The following ACTL8 variants were observed in gnomAD, a reference collection of about 807,000 sequenced individuals.
ACTL8 encodes the protein actin-like protein 8.
In ACTL8, 3 loss-of-function variants were observed where a neutral mutation model predicts 9.3. That is an observed-to-expected ratio of 0.32 (90% CI 0.15 to 0.83). ACTL8 has a LOEUF of 0.83. Ranked by LOEUF, ACTL8 falls within the 40% of genes least tolerant of loss-of-function variation. The pLI is 0.57. For synonymous variants in ACTL8, 224 were observed against 205.9 expected (o/e 1.09, Z -0.75); for missense variants, 381 against 492.2 (o/e 0.77, Z 2.14).
At chr1:17,809,391 G>C (rs11804887) in intron 1 of ACTL8, among the ~76,000 whole-genome samples, 2 of 152,098 alleles carry the variant, frequency 1.3e-5, no homozygotes, top group South Asian at 4.2e-4. Flanking sequence ...CTAGCCGGGG[G>C]TTCCACACAG....
intron 1 of ACTL8, among the ~76,000 whole-genome samples, chr1:17,820,757 A>G (rs2053653510): frequency 6.6e-6 from 1 of 151,968 alleles, no homozygotes; most frequent in East Asian, 1.9e-4. Context: ...TTGTATTTTT[A>G]GTAGAGACAG....
intron 1 of ACTL8, among the ~76,000 whole-genome samples, chr1:17,764,577 C>T (rs573640817): frequency 6.6e-6 from 1 of 151,900 alleles, no homozygotes; most frequent in Admixed American, 6.6e-5. Context: ...CTTCTGGGCA[C>T]CCCCCCACAG....
intron 1 of ACTL8, among the ~76,000 whole-genome samples, chr1:17,783,408 G>A (rs906501134): frequency 2.6e-5 from 4 of 151,116 alleles, no homozygotes; most frequent in African/African-American, 7.3e-5. Flanking sequence ...CCCATGTGTC[G>A]GATGATGCCT....
intron 1 of ACTL8, among the ~76,000 whole-genome samples, chr1:17,756,072 T>C (rs192682118): frequency 1.7e-4 from 26 of 151,712 alleles, no homozygotes; most frequent in Middle Eastern, 3.5e-3. Flanking sequence ...AGGGGCTTTT[T>C]CTTTGTGGAC....
chr1:17,807,570 A>G (rs972908064), intron 1 of ACTL8, among the ~76,000 whole-genome samples: 12 of 152,212 alleles, frequency 7.9e-5, no homozygotes, highest in African/African-American at 2.9e-4. Flanking sequence ...TACTATTCAC[A>G]ATAGCAAAGA....
chr1:17,825,870 G>A lies in ACTL8; in HGVS notation c.452G>A (p.Gly151Asp). 3 of 1,613,954 alleles carry A rather than the reference G, an allele frequency of 1.9e-6. No homozygotes were observed. The highest frequency in any genetic ancestry group is 2.5e-6 in the Non-Finnish European group (3 of 1,180,034). Residue 151 changes from glycine to aspartate, a missense_variant, in exon 3 of 3, where the codon GGC (glycine) becomes GAC (aspartate). Gly to Asp is a moderately conservative substitution (Grantham distance 94). Around this residue, in one of 3 missense-constraint regions of ACTL8, gnomAD observed 13 missense variants for 35.4 expected, o/e 0.37. Transcript: ENST00000375406. ...GLLTGVVVDS[G>D]YGLTRVQPFH... ...CTGACCGGAGTGGTGGTTGATTCTG[G>A]CTATGGCCTGACCCGCGTGCAGCCT...
intron 2 of ACTL8, among the ~76,000 whole-genome samples, chr1:17,825,359 C>T (rs1349062413): frequency 6.6e-6 from 1 of 151,784 alleles, no homozygotes; most frequent in African/African-American, 2.4e-5. Flanking sequence ...TTCCAGTCTT[C>T]CTCCACTGTT....
intron 1 of ACTL8, among the ~76,000 whole-genome samples, chr1:17,798,280 C>T (rs570294668): frequency 4.0e-5 from 6 of 149,434 alleles, no homozygotes; most frequent in South Asian, 2.1e-4. Flanking sequence ...GATATTCGCC[C>T]GAGGTGCCCT....
chr1:17,826,482 T>C lies in ACTL8; in HGVS notation c.1064T>C (p.Met355Thr), dbSNP rs181142071. 271 of 1,605,568 alleles carry C rather than the reference T, an allele frequency of 1.7e-4. No homozygotes were observed. In the East Asian group the frequency reaches 5.7e-3, roughly 34 times the overall value. Reference protein sequence around the residue: ...AHLSTYQSEWMSREEYGEHMR... With the variant: ...AHLSTYQSEWTSREEYGEHMR... The stretch of plus-strand genomic sequence containing the variant: ...CTTTCTACCTACCAGTCTGAGTGGA[T>C]GTCCCGAGAGGAGTATGGTGAGCAT... Residue 355 changes from methionine (M) to threonine (T), a missense_variant, in exon 3 of 3, where the codon ATG (methionine) becomes ACG (threonine). Coordinates refer to ENST00000375406, the MANE Select transcript of ACTL8 (RefSeq NM_030812.3). The surrounding 1 kb of genome is among the most constrained non-coding windows in gnomAD (Gnocchi z 4.5).
In ACTL8 at chr1:17,826,331, C is replaced by T. The variant is rs1221808875; in HGVS notation, c.913C>T (p.Pro305Ser). The T allele has an allele frequency of 2.5e-6, 4 of 1,613,820 alleles. No individual in the cohort carries two copies. Among genetic ancestry groups the T allele is most frequent in the Non-Finnish European group, 8.5e-7 (1 of 1,179,828 alleles). The change falls in exon 3 of 3, where the codon CCC becomes TCC. Residue 305 changes from proline (P) to serine (S), a missense_variant. By Grantham distance (74) the Pro-to-Ser change is moderately conservative (BLOSUM62 -1). This residue lies in a region of ACTL8 where 243 missense variants were observed against 276.2 expected (regional missense o/e 0.88). Coordinates refer to ENST00000375406, the MANE Select transcript of ACTL8 (RefSeq NM_030812.3). This position sits in a 1 kb window ranked among gnomAD's most constrained non-coding sequence, Gnocchi z 4.5. ...GGCCTGCGGGGGCAACACCCTCTAT[C>T]CCGGGTTCACAAAGCGCCTGTTCAG... ...VMACGGNTLY[P>S]GFTKRLFREL... is the part of the protein sequence containing the mutation.
At chr1:17,812,225 C>T (rs1184591683) in intron 1 of ACTL8, among the ~76,000 whole-genome samples, 2 of 151,934 alleles carry the variant, frequency 1.3e-5, no homozygotes, top group Non-Finnish European at 2.9e-5. Context: ...CAACTTTGTT[C>T]TTTTAGAAAT....
intron 1 of ACTL8, among the ~76,000 whole-genome samples, chr1:17,777,946 C>G (rs1349914649): frequency 6.6e-6 from 1 of 152,230 alleles, no homozygotes; most frequent in Non-Finnish European, 1.5e-5. Context: ...GATCCTCCTG[C>G]TTTGGACTCC....
intron 1 of ACTL8, among the ~76,000 whole-genome samples, chr1:17,760,438 G>T (rs970940995): frequency 3.9e-5 from 6 of 152,176 alleles, no homozygotes; most frequent in African/African-American, 1.4e-4. Flanking sequence ...TCGTTGGCAG[G>T]ACTGAGTGGG....
At chr1:17,789,391 C>G (rs1404612983) in intron 1 of ACTL8, among the ~76,000 whole-genome samples, 1 of 152,188 alleles carries the variant, frequency 6.6e-6, no homozygotes, top group African/African-American at 2.4e-5. Context: ...CTCAGTGCCC[C>G]TTGCATGTTA....
At position 17,797,800 on chromosome 1, in the gene ACTL8, TTGTGGGATGGAAG is replaced by T. The variant is rs370850626; in HGVS notation, c.-24-25183_-24-25171del. Reference sequence around the variant, plus strand: ...GCCTTCCAGGTGGCTGATAATTAAATTGTGGGATGGAAGTAAAGCGGTTTGCACAGGGCCTGGC... The same window carrying T: ...GCCTTCCAGGTGGCTGATAATTAAATTAAAGCGGTTTGCACAGGGCCTGGC... On this transcript the variant is annotated intron_variant, in intron 1 of 2. Coordinates refer to ENST00000375406, the MANE Select transcript of ACTL8 (RefSeq NM_030812.3). 2.0e-3 allele frequency among the ~76,000 whole-genome samples: 309 copies of T among 152,208 alleles called. 2 individuals are homozygous for T. Among genetic ancestry groups the T allele is most frequent in the African/African-American group, 6.9e-3 (286 of 41,562 alleles).
chr1:17,795,976 T>G (rs762144402), intron 1 of ACTL8, among the ~76,000 whole-genome samples: 5 of 152,202 alleles, frequency 3.3e-5, no homozygotes, highest in Admixed American at 3.3e-4. Flanking sequence ...CTGCCAGGGC[T>G]GAACCCTCAG....
rs748953499 is a variant in ACTL8, at chr1:17,823,197, T to C, written c.189T>C (p.Phe63=). 6.2e-7 allele frequency: 1 copy of C among 1,614,150 alleles called. No homozygotes were observed. The highest frequency in any genetic ancestry group is 8.5e-7 in the Non-Finnish European group (1 of 1,180,042). The change falls in exon 2 of 3, where the codon TTT becomes TTC. Residue 63 remains phenylalanine (F), a synonymous_variant. Coordinates refer to ENST00000375406, the MANE Select transcript of ACTL8 (RefSeq NM_030812.3). This position sits in a 1 kb window ranked among gnomAD's most constrained non-coding sequence, Gnocchi z 5.3. ...TCGACATTTGCCATCCTGACACCTT[T>C]AGCTACCCCATCGAGCGGGGCCGCA... ...LGIDICHPDT[F]SYPIERGRIL...
chr1:17,790,081 C>T (rs186030896), intron 1 of ACTL8, among the ~76,000 whole-genome samples: 2 of 152,312 alleles, frequency 1.3e-5, no homozygotes, highest in East Asian at 1.9e-4. Flanking sequence ...GGGCAGGCAG[C>T]TCTGGGTGCC....
Position 17,826,098 on chromosome 1 carries a change from G to C in ACTL8, c.680G>C (p.Arg227Thr). Residue 227 changes from arginine (R) to threonine (T), a missense_variant, in exon 3 of 3, where the codon AGG (arginine) becomes ACG (threonine). Arg to Thr is a moderately conservative substitution (Grantham distance 71, BLOSUM62 -1). This residue lies in a region of ACTL8 where 243 missense variants were observed against 276.2 expected (regional missense o/e 0.88). Transcript: ENST00000375406. The surrounding 1 kb of genome is among the most constrained non-coding windows in gnomAD (Gnocchi z 4.5). ...GGGGAGGCCCTGGACTTTCGTGAGAGGCAGCAGAGTGCCTTGGATGAGAGC... is the reference window on the plus strand; with the variant it reads ...GGGGAGGCCCTGGACTTTCGTGAGACGCAGCAGAGTGCCTTGGATGAGAGC... The part of the protein sequence containing the change: ...NLGEALDFRE[R>T]QQSALDESNT... 6.2e-7 allele frequency: 1 copy of C among 1,609,342 alleles called. No individual in the cohort carries two copies. Among genetic ancestry groups the C allele is most frequent in the Non-Finnish European group, 8.5e-7 (1 of 1,179,470 alleles).
Sources: gnomAD v4.1 joint callset for allele counts (sites outside exome capture counted in the v4.1 genomes callset) on GRCh38, gnomAD v4.1.1 for gene constraint, gnomAD v4.1.1 regional missense constraint, Gnocchi (gnomAD v3.1) non-coding constraint, MANE v1.5 for transcripts, NCBI Gene and HGNC (gene_info 2026-07-23, HGNC 2026-07-21) for gene names.